Variants in NOL4L observed in about 807,000 individuals in gnomAD.
NOL4L encodes the protein nucleolar protein 4-like.
In NOL4L, 7 loss-of-function variants were observed where a neutral mutation model predicts 64.5. That is an observed-to-expected ratio of 0.11 (90% confidence interval 0.06 to 0.20). The LOEUF (loss-of-function observed/expected upper bound fraction) is 0.20. Among genes scored for constraint, NOL4L ranks in the 10% least tolerant of loss-of-function variants. The probability of loss-of-function intolerance (pLI) is 1.00; values close to 1 mark genes in which losing one functional copy is unlikely to be tolerated. For synonymous variants in NOL4L, 413 were observed against 401.0 expected (o/e 1.03, Z -0.36); for missense variants, 680 against 967.1 (o/e 0.70, Z 3.94).
rs1469964353 is a variant in NOL4L at position 32,445,521 on chromosome 20, A to ATTACT, written c.*2070_*2074dup. Reference sequence around the variant, plus strand: ...AACATTTTTGCAAAAGATCTTACTGATTACTTTGTAGTATTGTTCACACAC... The same window carrying ATTACT: ...AACATTTTTGCAAAAGATCTTACTGATTACTTTACTTTGTAGTATTGTTCACACAC... On this transcript the variant is annotated 3_prime_UTR_variant, in exon 11 of 11. Transcript: ENST00000621426. 6.6e-6 allele frequency: 1 copy of ATTACT among 152,224 alleles called. No individual in the cohort carries two copies. The highest frequency in any genetic ancestry group is 1.5e-5 in the Non-Finnish European group (1 of 68,038). The allele number at this position is 152,224 out of a possible 1,614,324, so 9.4% of individuals were successfully genotyped here.
chr20:32,483,105 G>GC (rs1311913087), intron 4 of NOL4L, among the ~76,000 whole-genome samples: 2 of 123,524 alleles, frequency 1.6e-5, no homozygotes, highest in Admixed American at 7.8e-5. Context: ...AGCCTTCATC[G>GC]CCCCCCCTCC....
intron 4 of NOL4L, among the ~76,000 whole-genome samples, chr20:32,488,744 T>TCC (rs1482271726): frequency 7.3e-5 from 11 of 150,414 alleles, no homozygotes; most frequent in Admixed American, 5.3e-4. Flanking sequence ...TTTCTTTCTT[T>TCC]CTTTTCCTTC....
intron 1 of NOL4L, among the ~76,000 whole-genome samples, chr20:32,539,592 G>T (rs2018617389): frequency 6.6e-6 from 1 of 152,186 alleles, no homozygotes; most frequent in African/African-American, 2.4e-5. Flanking sequence ...GCTCCATCCT[G>T]TCCCATCGCT....
chr20:32,482,355 A>C lies in NOL4L; in HGVS notation c.700-7613T>G, dbSNP rs535015836. Among the ~76,000 whole-genome samples, 26 of 152,278 alleles carry C rather than the reference A, an allele frequency of 1.7e-4. No homozygotes were observed. In the East Asian group the frequency reaches 2.3e-3, roughly 14 times the overall value. On this transcript the variant is annotated intron_variant, in intron 4 of 10. Coordinates refer to ENST00000621426, the MANE Select transcript of NOL4L (RefSeq NM_001256798.2). ...CCTTTCTACAGGAATAATGCTAATT[A>C]GCGAGGCTTAATGAGAACTTCCCCC... is the stretch of plus-strand genomic sequence containing the variant.
At chr20:32,583,858 G>A (rs1980685058) in intron 1 of NOL4L, among the ~76,000 whole-genome samples, 1 of 142,268 alleles carries the variant, frequency 7.0e-6, no homozygotes, top group Non-Finnish European at 1.6e-5. Flanking sequence ...CGGGGGAGGG[G>A]AGGGGATGGA....
intron 3 of NOL4L, among the ~76,000 whole-genome samples, chr20:32,516,370 G>A (rs1037138181): frequency 6.6e-6 from 1 of 152,184 alleles, no homozygotes; most frequent in African/African-American, 2.4e-5. Flanking sequence ...CTATCCGGGT[G>A]GGGAACGTGA....
chr20:32,543,697 C>A lies in NOL4L; in HGVS notation c.322-15784G>T, dbSNP rs184997476. ...CCCAGCTTCTTGGGAGGCTGAGGCA[C>A]AATAACCACTTGAACCCAGGAGGTG... On this transcript the variant is annotated intron_variant, in intron 1 of 10. Coordinates refer to ENST00000621426, the MANE Select transcript of NOL4L (RefSeq NM_001256798.2). Among the ~76,000 whole-genome samples, 749 of 151,400 alleles carry A rather than the reference C, an allele frequency of 4.9e-3. 6 individuals carry two copies. The highest frequency in any genetic ancestry group is 0.017 in the African/African-American group (721 of 41,240).
intron 1 of NOL4L, among the ~76,000 whole-genome samples, chr20:32,532,762 T>C (rs2018389647): frequency 6.6e-6 from 1 of 152,054 alleles, no homozygotes; most frequent in Admixed American, 6.6e-5. Context: ...CTCCTGCCTA[T>C]CCCAGCTTCC....
chr20:32,543,791 G>GA (rs1287886560), intron 1 of NOL4L, among the ~76,000 whole-genome samples: 4 of 149,966 alleles, frequency 2.7e-5, no homozygotes, highest in African/African-American at 4.9e-5. Flanking sequence ...CCTTGTCTCA[G>GA]AAAAAAACAA....
At chr20:32,477,509 C>T (rs921759018) in intron 4 of NOL4L, among the ~76,000 whole-genome samples, 14 of 152,248 alleles carry the variant, frequency 9.2e-5, no homozygotes, top group Non-Finnish European at 1.5e-4. Flanking sequence ...TTCGGTCCTT[C>T]CAACAGTGGG....
chr20:32,546,031 C>G (rs2018728659), intron 1 of NOL4L, among the ~76,000 whole-genome samples: 1 of 151,710 alleles, frequency 6.6e-6, no homozygotes, highest in South Asian at 2.1e-4. Context: ...TCACTGCAAC[C>G]TCCGCCTCCT....
At chr20:32,581,007 C>A (rs773610881) in intron 1 of NOL4L, among the ~76,000 whole-genome samples, 1 of 152,258 alleles carries the variant, frequency 6.6e-6, no homozygotes, top group Non-Finnish European at 1.5e-5. Flanking sequence ...TTGCTTCCCC[C>A]GCTTGGCAGC....
chr20:32,553,141 C>G (rs562225092), intron 1 of NOL4L, among the ~76,000 whole-genome samples: 2 of 152,132 alleles, frequency 1.3e-5, no homozygotes, highest in African/African-American at 4.8e-5. Flanking sequence ...TGTGGCGCGC[C>G]CTTCAAAACA....
intron 1 of NOL4L, among the ~76,000 whole-genome samples, chr20:32,532,024 C>T (rs1264550652): frequency 6.6e-6 from 1 of 152,192 alleles, no homozygotes; most frequent in African/African-American, 2.4e-5. Context: ...AAAAGCAAAA[C>T]GTACTGTCCC....
At position 32,488,827 on chromosome 20, in the gene NOL4L, T is replaced by TC. The variant is rs1315685985; in HGVS notation, c.700-14086_700-14085insG. ...TCTTTTTCTTTCTTTCTTTCTTTCT[T>TC]TTTCTTTCTTTCTTTCTTTCTTTCT... On this transcript the variant is annotated intron_variant, in intron 4 of 10. Transcript: ENST00000621426. 5.7e-4 allele frequency among the ~76,000 whole-genome samples: 19 copies of TC among 33,150 alleles called. 2 individuals carry two copies. Among genetic ancestry groups the TC allele is most frequent in the South Asian group, 2.4e-3 (3 of 1,232 alleles). The allele number at this position is 33,150 out of a possible 152,430, so 21.7% of individuals were successfully genotyped here.
chr20:32,447,429 A>AAAAAAAAAAT lies in NOL4L; in HGVS notation c.*166_*167insATTTTTTTTT, dbSNP rs374212206. Reference sequence around the variant, plus strand: ...AAAAAAAAAAAAAAAAAAAAAAAAAAGTGTCCTTGTGCCCAAAGTCTCAGG... The same window carrying AAAAAAAAAAT: ...AAAAAAAAAAAAAAAAAAAAAAAAAAAAAAAAAAATGTGTCCTTGTGCCCAAAGTCTCAGG... On this transcript the variant is annotated 3_prime_UTR_variant, in exon 11 of 11. Transcript: ENST00000621426. 2 of 758,010 alleles carry AAAAAAAAAAT rather than the reference A, an allele frequency of 2.6e-6. No homozygotes were observed. The highest frequency in any genetic ancestry group is 3.0e-5 in the East Asian group (1 of 33,356). 47.0% of individuals were successfully genotyped at this position (758,010 alleles called of 1,614,324 possible). A position where few individuals can be genotyped will look rare whatever the true frequency, so the allele number is the denominator to read the frequency against.
At chr20:32,492,919 G>A (rs2016523044) in intron 4 of NOL4L, among the ~76,000 whole-genome samples, 1 of 152,046 alleles carries the variant, frequency 6.6e-6, no homozygotes, top group Admixed American at 6.5e-5. Flanking sequence ...GGTGTGTGGT[G>A]GGCCCTGCTA....
At position 32,464,928 on chromosome 20, in the gene NOL4L, T is replaced by C. The variant is rs1221994256; in HGVS notation, c.842-8533A>G. The C allele has an allele frequency of 2.0e-6, 1 of 493,404 alleles. No individual in the cohort carries two copies. The highest frequency in any genetic ancestry group is 3.7e-6 in the Non-Finnish European group (1 of 269,172). The allele number at this position is 493,404 out of a possible 1,614,324, so 30.6% of individuals were successfully genotyped here. A position where few individuals can be genotyped will look rare whatever the true frequency, so the allele number is the denominator to read the frequency against. On this transcript the variant is annotated intron_variant, in intron 5 of 10. Transcript: ENST00000621426. The surrounding 1 kb of genome is among the most constrained non-coding windows in gnomAD (Gnocchi z 5.6). ...AGACGCAGCGTGTATTGCACACCTG[T>C]CTGCACTAGCCTTTTCCAAGGCTCA...
chr20:32,504,557 CAA>C (rs551239944), intron 4 of NOL4L, among the ~76,000 whole-genome samples: 15 of 124,056 alleles, frequency 1.2e-4, no homozygotes, highest in Admixed American at 1.7e-4. Flanking sequence ...GAGACTCCAT[CAA>C]AAAAAAAAAA....
Sources: gnomAD v4.1 joint callset for allele counts (sites outside exome capture counted in the v4.1 genomes callset) on GRCh38, gnomAD v4.1.1 for gene constraint, Gnocchi (gnomAD v3.1) non-coding constraint, MANE v1.5 for transcripts, NCBI Gene and HGNC (gene_info 2026-07-23, HGNC 2026-07-21) for gene names.